SHANK2: variants seen among roughly 807,000 people sequenced by gnomAD.
SHANK2 encodes the protein SH3 and multiple ankyrin repeat domains protein 2.
A neutral mutation model predicts 133.7 loss-of-function variants in SHANK2; 43 were observed. The observed-to-expected ratio is 0.32, with a 90% CI of 0.25 to 0.41. SHANK2 has a LOEUF of 0.41. SHANK2 is among the 10% of genes least tolerant of loss of function. The pLI is 1.00. For synonymous variants in SHANK2, 1,017 were observed against 952.8 expected (o/e 1.07, Z -1.24); for missense variants, 1,994 against 2,235.8 (o/e 0.89, Z 2.18).
chr11:70,907,066 G>A (rs1950115062), intron 10 of SHANK2, among the ~76,000 whole-genome samples: 1 of 152,218 alleles, frequency 6.6e-6, no homozygotes, highest in Non-Finnish European at 1.5e-5. Flanking sequence ...CTCAAGCAAT[G>A]TCCACAACTC....
intron 17 of SHANK2, among the ~76,000 whole-genome samples, chr11:70,580,249 G>A (rs1435476622): frequency 6.6e-6 from 1 of 151,968 alleles, no homozygotes; most frequent in Admixed American, 6.5e-5. Context: ...GGGGCGTGGG[G>A]TGGCTGGGCT....
chr11:71,186,067 T>C (rs536686637), intron 2 of SHANK2, among the ~76,000 whole-genome samples: 2 of 152,206 alleles, frequency 1.3e-5, no homozygotes, highest in Non-Finnish European at 2.9e-5. Context: ...TTCACCACGA[T>C]GGAAAATACA....
At chr11:71,240,156 G>A (rs2135802986) in intron 1 of SHANK2, among the ~76,000 whole-genome samples, 1 of 152,308 alleles carries the variant, frequency 6.6e-6, no homozygotes, top group Non-Finnish European at 1.5e-5. Flanking sequence ...AGGCTTGTCA[G>A]GATAGGGATT....
Position 71,151,247 on chromosome 11 carries a change from G to A in SHANK2, c.-12-3909C>T, listed in dbSNP as rs140981263. On this transcript the variant is annotated intron_variant, in intron 2 of 25. Coordinates refer to ENST00000601538, the MANE Select transcript of SHANK2 (RefSeq NM_012309.5). Reference sequence around the variant, plus strand: ...CCCTGTGAGTGTTCAGGAACCTCCCGGGGAGGCCACGGGCAGTTCACCAGG... The same window carrying A: ...CCCTGTGAGTGTTCAGGAACCTCCCAGGGAGGCCACGGGCAGTTCACCAGG... 4.6e-3 allele frequency among the ~76,000 whole-genome samples: 692 copies of A among 150,800 alleles called. 2 individuals are homozygous for A. The highest frequency in any genetic ancestry group is 0.016 in the African/African-American group (661 of 40,396).
intron 2 of SHANK2, among the ~76,000 whole-genome samples, chr11:71,153,456 C>T (rs1216594706): frequency 6.6e-6 from 1 of 152,188 alleles, no homozygotes; most frequent in East Asian, 1.9e-4. Context: ...TGCTAACTTG[C>T]TCCAAGAAAA....
chr11:71,244,767 A>G (rs557384066), intron 1 of SHANK2, among the ~76,000 whole-genome samples: 2 of 152,212 alleles, frequency 1.3e-5, no homozygotes, highest in African/African-American at 4.8e-5. Context: ...CAGTGGGGCA[A>G]TCTTGGCTCA....
chr11:70,815,068 C>G (rs896631858), intron 12 of SHANK2, among the ~76,000 whole-genome samples: 6 of 152,140 alleles, frequency 3.9e-5, no homozygotes. Context: ...CCAGAGGGCG[C>G]CCCCAGGGGC....
chr11:70,585,826 T>TCCCCC (rs2060241753), intron 17 of SHANK2, among the ~76,000 whole-genome samples: 3 of 119,224 alleles, frequency 2.5e-5, no homozygotes, highest in Non-Finnish European at 5.2e-5. Flanking sequence ...ATCCATTTGC[T>TCCCCC]CACCCACCCA....
intron 17 of SHANK2, among the ~76,000 whole-genome samples, chr11:70,606,081 T>G (rs1037281358): frequency 2.6e-5 from 4 of 152,174 alleles, no homozygotes; most frequent in Admixed American, 2.6e-4. Context: ...AGTGCTCTGC[T>G]GCCAGGAAGT....
intron 11 of SHANK2, among the ~76,000 whole-genome samples, chr11:70,841,234 GCAC>G (rs1948897988): frequency 6.6e-6 from 1 of 152,158 alleles, no homozygotes; most frequent in South Asian, 2.1e-4. Flanking sequence ...TGGCACCACT[GCAC>G]TCCAGCCTGG....
chr11:71,103,914 C>G (rs1207220964), intron 6 of SHANK2, among the ~76,000 whole-genome samples: 15 of 138,142 alleles, frequency 1.1e-4, no homozygotes, highest in African/African-American at 3.7e-4. Flanking sequence ...CCACGGGATG[C>G]ACCTGCTCCT....
At chr11:70,871,172 C>G (rs1359877187) in intron 11 of SHANK2, among the ~76,000 whole-genome samples, 2 of 152,214 alleles carry the variant, frequency 1.3e-5, no homozygotes, top group African/African-American at 2.4e-5. Context: ...AAGACCCTAC[C>G]TCTAAACAAG....
chr11:70,729,412 A>T (rs543570771), intron 14 of SHANK2, among the ~76,000 whole-genome samples: 1 of 152,208 alleles, frequency 6.6e-6, no homozygotes, highest in Admixed American at 6.5e-5. Context: ...TAACTGCTTC[A>T]TGGGCACGGG....
At chr11:70,601,751 C>T (rs911452364) in intron 17 of SHANK2, among the ~76,000 whole-genome samples, 1 of 152,192 alleles carries the variant, frequency 6.6e-6, no homozygotes, top group South Asian at 2.1e-4. Flanking sequence ...CCAGCAAAGG[C>T]ACCACAAACA....
intron 14 of SHANK2, among the ~76,000 whole-genome samples, chr11:70,719,286 G>A (rs1391039741): frequency 2.6e-5 from 4 of 152,232 alleles, no homozygotes; most frequent in African/African-American, 9.6e-5. Flanking sequence ...GAGAAGGTTA[G>A]CGACTGGCTC....
chr11:71,236,118 T>G (rs1439891621), intron 1 of SHANK2, among the ~76,000 whole-genome samples: 1 of 152,186 alleles, frequency 6.6e-6, no homozygotes, highest in African/African-American at 2.4e-5. Context: ...AGGGTGATGT[T>G]GCTCGGGACC....
intron 17 of SHANK2, among the ~76,000 whole-genome samples, chr11:70,558,065 G>A (rs917029395): frequency 3.9e-5 from 6 of 152,230 alleles, no homozygotes; most frequent in African/African-American, 1.4e-4. Context: ...AGACCGTGAG[G>A]GGGCCCGGGG....
chr11:70,496,890 CA>C (rs755750314), intron 21 of SHANK2: 4 of 450,314 alleles, frequency 8.9e-6, no homozygotes, highest in Non-Finnish European at 1.8e-5. Flanking sequence ...CCCATCATCA[CA>C]GTCGCCACAT....
intron 11 of SHANK2, among the ~76,000 whole-genome samples, chr11:70,893,650 AG>A (rs1352172270): frequency 6.6e-6 from 1 of 152,206 alleles, no homozygotes; most frequent in African/African-American, 2.4e-5. Context: ...ATGAAACAAG[AG>A]GTTTTTTTTC....
Sources: gnomAD v4.1 joint callset for allele counts (sites outside exome capture counted in the v4.1 genomes callset) on GRCh38, gnomAD v4.1.1 for gene constraint, MANE v1.5 for transcripts, NCBI Gene and HGNC (gene_info 2026-07-23, HGNC 2026-07-21) for gene names.